The following TRDN variants were observed in gnomAD, a reference collection of about 807,000 sequenced individuals.
The protein encoded by TRDN is triadin in skeletal muscle.
TRDN carries 161 observed loss-of-function variants against 149.7 expected under a neutral mutation model. The ratio of observed to expected loss-of-function variants is 1.08; its 90% CI spans 0.95 to 1.23. TRDN has a LOEUF of 1.23. TRDN is among the 50% of genes most tolerant of loss of function. TRDN has a pLI of 0.00. For missense variants in TRDN, 896 were observed against 823.5 expected (o/e 1.09, Z -1.08); for synonymous variants, 294 against 250.5 (o/e 1.17, Z -1.64).
intron 5 of TRDN, among the ~76,000 whole-genome samples, chr6:123,518,744 T>C (rs1489081797): frequency 6.6e-6 from 1 of 152,166 alleles, no homozygotes; most frequent in Middle Eastern, 3.2e-3. Context: ...TGCTAGCATT[T>C]TATTATCCCC....
At chr6:123,520,298 C>T (rs1027179359) in intron 5 of TRDN, among the ~76,000 whole-genome samples, 1 of 152,000 alleles carries the variant, frequency 6.6e-6, no homozygotes, top group African/African-American at 2.4e-5. Flanking sequence ...AATTTCAGAG[C>T]TGATAGGAAT....
chr6:123,532,883 A>G (rs1233612898), intron 4 of TRDN, among the ~76,000 whole-genome samples: 1 of 151,946 alleles, frequency 6.6e-6, no homozygotes, highest in African/African-American at 2.4e-5. Flanking sequence ...AAGGACCTTT[A>G]CAAAACTTTA....
chr6:123,316,559 A>G, intron 23 of TRDN, 64 bp from the exon 24 acceptor site: 1 of 1,478,782 alleles, frequency 6.8e-7, no homozygotes, highest in Non-Finnish European at 9.4e-7. Flanking sequence ...TTTGAAAAAT[A>G]GTCAGTACAA....
At chr6:123,465,581 G>GAAA (rs1776740498) in intron 9 of TRDN, among the ~76,000 whole-genome samples, 1 of 63,262 alleles carries the variant, frequency 1.6e-5, no homozygotes, top group Non-Finnish European at 2.9e-5. Flanking sequence ...ATTATGAACT[G>GAAA]CAAAAAAAAA....
chr6:123,544,268 C>T (rs1475505864), intron 4 of TRDN, among the ~76,000 whole-genome samples: 2 of 150,814 alleles, frequency 1.3e-5, no homozygotes, highest in East Asian at 3.9e-4. Flanking sequence ...CACACACACA[C>T]ACACACACAC....
intron 7 of TRDN, among the ~76,000 whole-genome samples, chr6:123,508,331 G>A (rs996825464): frequency 7.9e-5 from 12 of 152,126 alleles, no homozygotes; most frequent in African/African-American, 2.2e-4. Flanking sequence ...AATTGCACAC[G>A]TATTAATATT....
chr6:123,517,927 C>T lies in TRDN; in HGVS notation c.485-1721G>A, dbSNP rs559672346. On this transcript the variant is annotated intron_variant, in intron 5 of 40. Transcript: ENST00000334268. Reference sequence around the variant, plus strand: ...ACTCAGTAAATGAAATCCTTAGGGGCTACATCATATTTATTTTATTTTTTT... The same window carrying T: ...ACTCAGTAAATGAAATCCTTAGGGGTTACATCATATTTATTTTATTTTTTT... Among the ~76,000 whole-genome samples the T allele has an allele frequency of 1.3e-3, 202 of 152,144 alleles. 1 individual carries two copies. The highest frequency in any genetic ancestry group is 2.4e-3 in the Non-Finnish European group (163 of 68,004).
At chr6:123,427,431 A>G (rs1470044064) in intron 12 of TRDN, among the ~76,000 whole-genome samples, 1 of 152,152 alleles carries the variant, frequency 6.6e-6, no homozygotes, top group Non-Finnish European at 1.5e-5. Flanking sequence ...TTGAAAAAAT[A>G]GCATCTTGTA....
At chr6:123,270,891 C>T (rs1038060292) in intron 30 of TRDN, among the ~76,000 whole-genome samples, 1 of 152,006 alleles carries the variant, frequency 6.6e-6, no homozygotes, top group Non-Finnish European at 1.5e-5. Context: ...ATGAATTACA[C>T]ATAAGCTTAG....
intron 16 of TRDN, 132 bp from the exon 17 acceptor site, chr6:123,378,030 A>C (rs1009553606): frequency 3.4e-6 from 2 of 582,474 alleles, no homozygotes; most frequent in East Asian, 2.9e-5. Flanking sequence ...AATGGCTTAC[A>C]TAAAAAGGCT....
intron 2 of TRDN, among the ~76,000 whole-genome samples, chr6:123,566,644 C>T (rs557960167): frequency 1.3e-5 from 2 of 152,230 alleles, no homozygotes; most frequent in Admixed American, 1.3e-4. Flanking sequence ...TTTCTTTTAC[C>T]ACTAGCCTTG....
chr6:123,400,257 T>A (rs1772909682), intron 12 of TRDN, among the ~76,000 whole-genome samples: 1 of 149,966 alleles, frequency 6.7e-6, no homozygotes, highest in Non-Finnish European at 1.5e-5. Context: ...TATTCTTCAG[T>A]TAAAATTTCA....
intron 38 of TRDN, among the ~76,000 whole-genome samples, chr6:123,235,649 C>T (rs1295081822): frequency 6.6e-6 from 1 of 152,062 alleles, no homozygotes; most frequent in South Asian, 2.1e-4. Flanking sequence ...AATTTTAAGA[C>T]ACGTATAGAT....
intron 10 of TRDN, chr6:123,441,915 C>G (rs1774913421): frequency 6.6e-6 from 1 of 152,134 alleles, no homozygotes; most frequent in African/African-American, 2.4e-5. Flanking sequence ...TGATGTATTC[C>G]TGGTTCCAGT....
rs1267288362 is a variant in TRDN, at chr6:123,266,121, T to A, written c.1784-783A>T. On this transcript the variant is annotated intron_variant, in intron 32 of 40. Coordinates refer to ENST00000334268, the MANE Select transcript of TRDN (RefSeq NM_006073.4). ...TATTATATATCATATGTATTATATA[T>A]TATATATATTATAATATGTATTATA... Among the ~76,000 whole-genome samples the A allele has an allele frequency of 2.5e-5, 3 of 119,522 alleles. 1 individual carries two copies. Among genetic ancestry groups the A allele is most frequent in the East Asian group, 4.7e-4 (2 of 4,294 alleles). 78.4% of individuals were successfully genotyped at this position (119,522 alleles called of 152,430 possible). A position where few individuals can be genotyped will look rare whatever the true frequency, so the allele number is the denominator to read the frequency against.
chr6:123,547,619 G>T lies in TRDN; in HGVS notation c.392-247C>A, dbSNP rs545284366. ...GCAGTGATCCAAATTATACATTATAGGTTATATATCATATTAATTTCAACT... is the reference window on the plus strand; with the variant it reads ...GCAGTGATCCAAATTATACATTATATGTTATATATCATATTAATTTCAACT... On this transcript the variant is annotated intron_variant, in intron 3 of 40. Transcript: ENST00000334268. Among the ~76,000 whole-genome samples, 3 of 151,760 alleles carry T rather than the reference G, an allele frequency of 2.0e-5. No individual in the cohort carries two copies. In the South Asian group the frequency reaches 6.2e-4, roughly 31 times the overall value.
intron 12 of TRDN, among the ~76,000 whole-genome samples, chr6:123,430,959 A>G (rs1319771073): frequency 6.6e-6 from 1 of 152,240 alleles, no homozygotes. Context: ...AGCTAATATC[A>G]TAGTAAGTAA....
chr6:123,219,871 T>C (rs1362907703), intron 40 of TRDN, among the ~76,000 whole-genome samples: 2 of 151,702 alleles, frequency 1.3e-5, no homozygotes, highest in Non-Finnish European at 2.9e-5. Flanking sequence ...CAAGGAGAAA[T>C]GGAAATCCAT....
intron 10 of TRDN, chr6:123,464,140 TG>T: frequency 1.9e-6 from 1 of 525,164 alleles, no homozygotes; most frequent in Non-Finnish European, 2.4e-6. Flanking sequence ...GAGAAGGAAC[TG>T]TTTTCTATTC....
Sources: gnomAD v4.1 joint callset for allele counts (sites outside exome capture counted in the v4.1 genomes callset) on GRCh38, gnomAD v4.1.1 for gene constraint, MANE v1.5 for transcripts, NCBI Gene and HGNC (gene_info 2026-07-23, HGNC 2026-07-21) for gene names.